ME1: variants seen among roughly 807,000 people sequenced by gnomAD.
The protein encoded by ME1 is NADP-dependent malic enzyme.
ME1 carries 74 observed loss-of-function variants against 66.4 expected under a neutral mutation model. The observed-to-expected ratio is 1.11, with a 90% CI of 0.92 to 1.35. The LOEUF is 1.35. ME1 is among the 40% of genes most tolerant of loss of function. The pLI is 0.00. For synonymous variants in ME1, 251 were observed against 235.6 expected, an observed-to-expected ratio of 1.07 and a Z score of -0.60; for missense variants, 750 against 694.1, an observed-to-expected ratio of 1.08 and a Z score of -0.90.
At chr6:83,319,133 T>C (rs1583377889) in intron 5 of ME1, among the ~76,000 whole-genome samples, 1 of 141,670 alleles carries the variant, frequency 7.1e-6, no homozygotes, top group Non-Finnish European at 1.5e-5. Context: ...AAGGGGAACA[T>C]CACACTCTGG....
chr6:83,347,221 G>A (rs893434530), intron 4 of ME1, among the ~76,000 whole-genome samples: 23 of 152,080 alleles, frequency 1.5e-4, no homozygotes, highest in Non-Finnish European at 2.4e-4. Context: ...CAAAGTGCTG[G>A]GATTACAGGC....
chr6:83,348,833 C>CA (rs1768737238), intron 4 of ME1, among the ~76,000 whole-genome samples: 1 of 151,428 alleles, frequency 6.6e-6, no homozygotes, highest in Non-Finnish European at 1.5e-5. Context: ...ACTAAAAACA[C>CA]AAAAATTACC....
intron 6 of ME1, among the ~76,000 whole-genome samples, chr6:83,273,021 A>T (rs1489085595): frequency 6.6e-6 from 1 of 151,812 alleles, no homozygotes; most frequent in African/African-American, 2.4e-5. Flanking sequence ...CTAAAAATAT[A>T]AAAAAATTAG....
chr6:83,262,639 G>A (rs892949497), intron 6 of ME1, among the ~76,000 whole-genome samples: 1 of 152,104 alleles, frequency 6.6e-6, no homozygotes, highest in Admixed American at 6.5e-5. Context: ...TTTTACTGAA[G>A]AATATTACAG....
intron 7 of ME1, among the ~76,000 whole-genome samples, chr6:83,249,336 G>A: frequency 6.6e-6 from 1 of 151,824 alleles, no homozygotes; most frequent in African/African-American, 2.4e-5. Context: ...CCACCACCCG[G>A]GTTCAAGGGC....
intron 7 of ME1, among the ~76,000 whole-genome samples, chr6:83,249,609 G>A (rs1407679292): frequency 1.3e-5 from 2 of 152,136 alleles, no homozygotes; most frequent in African/African-American, 4.8e-5. Flanking sequence ...AACTCCATGA[G>A]AGAAACATTA....
chr6:83,353,340 G>T (rs1318598916), intron 3 of ME1, among the ~76,000 whole-genome samples: 1 of 152,040 alleles, frequency 6.6e-6, no homozygotes, highest in African/African-American at 2.4e-5. Flanking sequence ...AATTCATCTG[G>T]CATTACAAAA....
At chr6:83,217,884 C>T (rs1452250758) in intron 12 of ME1, among the ~76,000 whole-genome samples, 2 of 152,110 alleles carry the variant, frequency 1.3e-5, no homozygotes, top group Admixed American at 6.5e-5. Context: ...AGTTAAATCC[C>T]GTCGGTGACT....
At chr6:83,372,592 C>T (rs1175565299) in intron 3 of ME1, among the ~76,000 whole-genome samples, 8 of 152,184 alleles carry the variant, frequency 5.3e-5, no homozygotes, top group Non-Finnish European at 8.8e-5. Flanking sequence ...GGCATTGTCC[C>T]GAGGTGTAAA....
chr6:83,288,468 T>C (rs1048922998), intron 6 of ME1, among the ~76,000 whole-genome samples: 1 of 152,140 alleles, frequency 6.6e-6, no homozygotes, highest in African/African-American at 2.4e-5. Context: ...TGGTGGTAGA[T>C]GTGTGGTGTT....
At chr6:83,243,096 C>A (rs549410781) in intron 7 of ME1, among the ~76,000 whole-genome samples, 4 of 150,774 alleles carry the variant, frequency 2.7e-5, no homozygotes, top group East Asian at 2.0e-4. Context: ...ATCTCTACCC[C>A]CCAAAAATTT....
intron 1 of ME1, among the ~76,000 whole-genome samples, chr6:83,415,289 G>A (rs76096674): frequency 0.037 from 5,579 of 152,178 alleles, 336 homozygotes; most frequent in African/African-American, 0.13. Context: ...ATTTACACAC[G>A]AAGTTGCAAA....
chr6:83,417,105 G>A (rs4706994), intron 1 of ME1, among the ~76,000 whole-genome samples: 48,210 of 151,852 alleles, frequency 0.32, 8,010 homozygotes, highest in Middle Eastern at 0.49. Context: ...GATAGAGTGC[G>A]GTAGTATAAT....
At chr6:83,227,955 A>G (rs1790229692) in intron 10 of ME1, among the ~76,000 whole-genome samples, 1 of 152,238 alleles carries the variant, frequency 6.6e-6, no homozygotes, top group African/African-American at 2.4e-5. Context: ...CATAATGGAA[A>G]TGAAAAACAA....
intron 9 of ME1, among the ~76,000 whole-genome samples, chr6:83,237,033 GTT>G (rs11451018): frequency 0.45 from 65,253 of 144,952 alleles, 14,923 homozygotes; most frequent in African/African-American, 0.57. Flanking sequence ...AAGCTGTACA[GTT>G]TTTTTTTTTT....
At chr6:83,390,705 G>A (rs1443406609) in intron 3 of ME1, among the ~76,000 whole-genome samples, 1 of 151,974 alleles carries the variant, frequency 6.6e-6, no homozygotes, top group East Asian at 1.9e-4. Flanking sequence ...TAGCAGTAAA[G>A]CATTCCTTAC....
intron 1 of ME1, among the ~76,000 whole-genome samples, chr6:83,419,467 A>G (rs540721485): frequency 1.1e-3 from 172 of 152,316 alleles, no homozygotes; most frequent in African/African-American, 2.4e-3. Flanking sequence ...TATCTGATTC[A>G]TGTCCTGTAT....
chr6:83,379,670 A>G (rs1255731348), intron 3 of ME1, among the ~76,000 whole-genome samples: 1 of 152,022 alleles, frequency 6.6e-6, no homozygotes, highest in African/African-American at 2.4e-5. Flanking sequence ...GATGAGTCAG[A>G]TGACATCCAT....
intron 4 of ME1, among the ~76,000 whole-genome samples, chr6:83,351,739 T>C (rs180979937): frequency 5.6e-4 from 86 of 152,300 alleles, no homozygotes; most frequent in African/African-American, 2.0e-3. Flanking sequence ...TGGATTCCTC[T>C]TAGTGGATAA....
Sources: gnomAD v4.1 joint callset for allele counts (sites outside exome capture counted in the v4.1 genomes callset) on GRCh38, gnomAD v4.1.1 for gene constraint, MANE v1.5 for transcripts, NCBI Gene and HGNC (gene_info 2026-07-23, HGNC 2026-07-21) for gene names.